Variants in SLC35F4 observed in about 807,000 individuals in gnomAD.
SLC35F4 encodes solute carrier family 35 member F4.
SLC35F4 carries 24 observed loss-of-function variants against 44.2 expected under a neutral mutation model. The observed-to-expected ratio is 0.54, with a 90% confidence interval of 0.39 to 0.76. The LOEUF is 0.76. SLC35F4 is among the 30% of genes least tolerant of loss of function. The probability of loss-of-function intolerance (pLI) is 0.00; values close to 1 mark genes in which losing one functional copy is unlikely to be tolerated. For missense variants in SLC35F4, 562 were observed against 586.1 expected, an observed-to-expected ratio of 0.96 and a Z score of 0.42; for synonymous variants, 238 against 223.6, an observed-to-expected ratio of 1.06 and a Z score of -0.57.
At chr14:57,590,915 A>G (rs2139902431) in intron 2 of SLC35F4, among the ~76,000 whole-genome samples, 1 of 152,324 alleles carries the variant, frequency 6.6e-6, no homozygotes, top group South Asian at 2.1e-4. Context: ...CCACTGTGTT[A>G]AAAACCTTTA....
At chr14:57,921,913 G>A (rs770581359) in intron 1 of SLC35F4, among the ~76,000 whole-genome samples, 5 of 152,116 alleles carry the variant, frequency 3.3e-5, no homozygotes, top group Non-Finnish European at 5.9e-5. Flanking sequence ...AATTCAACCC[G>A]CAACAACCAC....
intron 1 of SLC35F4, among the ~76,000 whole-genome samples, chr14:57,924,371 T>G (rs1889505643): frequency 6.6e-6 from 1 of 152,034 alleles, no homozygotes; most frequent in Non-Finnish European, 1.5e-5. Context: ...GAGCCCTGTG[T>G]ACAGAGATAA....
At chr14:57,956,847 T>C (rs1048710169) in intron 1 of SLC35F4, among the ~76,000 whole-genome samples, 4 of 152,316 alleles carry the variant, frequency 2.6e-5, no homozygotes, top group Admixed American at 6.5e-5. Context: ...TTGGTGGGAA[T>C]GTAAATTAGT....
chr14:57,565,675 G>T (rs2068170350), intron 7 of SLC35F4, among the ~76,000 whole-genome samples: 1 of 152,034 alleles, frequency 6.6e-6, no homozygotes, highest in Non-Finnish European at 1.5e-5. Context: ...CACACAATTT[G>T]GCATTTAATA....
At chr14:57,588,450 G>T (rs954314021) in intron 3 of SLC35F4, among the ~76,000 whole-genome samples, 1 of 152,050 alleles carries the variant, frequency 6.6e-6, no homozygotes, top group African/African-American at 2.4e-5. Context: ...CACTAGCAAA[G>T]GTACTTGGAC....
At chr14:57,680,950 T>C (rs1332840347) in intron 1 of SLC35F4, among the ~76,000 whole-genome samples, 1 of 152,054 alleles carries the variant, frequency 6.6e-6, no homozygotes, top group Non-Finnish European at 1.5e-5. Context: ...CTGCCCAAAG[T>C]GATTTATAAA....
chr14:57,929,647 T>C (rs1889654394), intron 1 of SLC35F4, among the ~76,000 whole-genome samples: 3 of 152,162 alleles, frequency 2.0e-5, no homozygotes, highest in African/African-American at 7.2e-5. Flanking sequence ...ACCACGGTCA[T>C]TACCAGAACA....
chr14:57,596,658 G>A, intron 1 of SLC35F4: 1 of 650,776 alleles, frequency 1.5e-6, no homozygotes, highest in Non-Finnish European at 2.7e-6. Flanking sequence ...GTTGGGATGG[G>A]ATTGAGATCA....
Position 57,705,247 on chromosome 14 carries a change from A to T in SLC35F4, c.104-111123T>A, listed in dbSNP as rs914716859. Among the ~76,000 whole-genome samples the T allele has an allele frequency of 1.3e-5, 2 of 152,306 alleles. 1 individual carries two copies. ...ACCTACTGCAAATGGAATCAAAAAGATCTTATTTTACTCAATAATTGAACA... is the reference window on the plus strand; with the variant it reads ...ACCTACTGCAAATGGAATCAAAAAGTTCTTATTTTACTCAATAATTGAACA... On this transcript the variant is annotated intron_variant, in intron 1 of 7. Coordinates refer to ENST00000556826, the MANE Select transcript of SLC35F4 (RefSeq NM_001306087.2).
At chr14:57,601,278 C>A (rs113155091) in intron 1 of SLC35F4, among the ~76,000 whole-genome samples, 31 of 151,892 alleles carry the variant, frequency 2.0e-4, no homozygotes, top group Non-Finnish European at 3.2e-4. Flanking sequence ...TATTTAGGTA[C>A]TTTTACATGC....
chr14:57,611,126 A>G (rs1354993264), intron 1 of SLC35F4, among the ~76,000 whole-genome samples: 3 of 152,258 alleles, frequency 2.0e-5, no homozygotes, highest in African/African-American at 7.2e-5. Flanking sequence ...CAGGAACTGC[A>G]CATGCAAAGA....
intron 1 of SLC35F4, among the ~76,000 whole-genome samples, chr14:57,801,202 G>A (rs962512633): frequency 6.6e-6 from 1 of 152,092 alleles, no homozygotes; most frequent in Non-Finnish European, 1.5e-5. Flanking sequence ...AAGAGATTGG[G>A]GACCAATATT....
chr14:57,579,849 T>C (rs2069116614), intron 4 of SLC35F4, among the ~76,000 whole-genome samples: 1 of 152,196 alleles, frequency 6.6e-6, no homozygotes, highest in Non-Finnish European at 1.5e-5. Context: ...TGTTGTTATC[T>C]TAAAATTATT....
chr14:57,564,984 T>C (rs528543912), intron 7 of SLC35F4, among the ~76,000 whole-genome samples: 8 of 152,350 alleles, frequency 5.3e-5, no homozygotes, highest in Middle Eastern at 6.8e-3. Context: ...TTTATATAAA[T>C]GGAGTCACAT....
chr14:57,940,063 T>G (rs1324703992), intron 1 of SLC35F4, among the ~76,000 whole-genome samples: 1 of 152,162 alleles, frequency 6.6e-6, no homozygotes, highest in Admixed American at 6.5e-5. Flanking sequence ...TCAGCCTAAG[T>G]GTGAAAGCCA....
chr14:57,937,986 C>T (rs1213322424), intron 1 of SLC35F4, among the ~76,000 whole-genome samples: 2 of 151,964 alleles, frequency 1.3e-5, no homozygotes, highest in Non-Finnish European at 2.9e-5. Flanking sequence ...ACTCTCCCCT[C>T]TGTCTCCACT....
intron 1 of SLC35F4, chr14:57,630,350 T>C (rs2072707740): frequency 1.7e-6 from 1 of 599,690 alleles, no homozygotes; most frequent in Non-Finnish European, 3.1e-6. Flanking sequence ...GTAGACCGAC[T>C]GGAAGACCAC....
intron 1 of SLC35F4, among the ~76,000 whole-genome samples, chr14:57,965,144 A>G (rs536335276): frequency 6.6e-6 from 1 of 152,212 alleles, no homozygotes; most frequent in East Asian, 1.9e-4. Context: ...ATAATTCTGT[A>G]GGTCAGGAGT....
At chr14:57,863,219 A>C (rs776730449) in intron 1 of SLC35F4, among the ~76,000 whole-genome samples, 2 of 152,228 alleles carry the variant, frequency 1.3e-5, no homozygotes, top group Admixed American at 1.3e-4. Context: ...ATAACTGTTC[A>C]TTAATTGAAC....
Sources: allele counts gnomAD v4.1 joint callset (sites outside exome capture counted in the v4.1 genomes callset), GRCh38; gene constraint gnomAD v4.1.1; transcripts MANE v1.5; gene names NCBI Gene and HGNC (gene_info 2026-07-23, HGNC 2026-07-21).